Variants in CACNB2 observed in about 807,000 individuals in gnomAD.
CACNB2 encodes the protein voltage-dependent L-type calcium channel subunit beta-2.
In CACNB2, 42 loss-of-function variants were observed where a neutral mutation model predicts 73.3. That is an observed-to-expected ratio of 0.57 (90% CI 0.45 to 0.74). The LOEUF is 0.74. CACNB2 is among the 30% of genes least tolerant of loss of function. The pLI is 0.00. For missense variants in CACNB2, 940 were observed against 853.0 expected (o/e 1.10, Z -1.27); for synonymous variants, 348 against 310.3 (o/e 1.12, Z -1.28).
intron 2 of CACNB2, among the ~76,000 whole-genome samples, chr10:18,296,669 A>G (rs1407857426): frequency 1.3e-5 from 2 of 152,200 alleles, no homozygotes; most frequent in Admixed American, 1.3e-4. Context: ...TAAAAATCAA[A>G]GTTCAAACTT....
chr10:18,158,276 C>A (rs930680165), intron 2 of CACNB2, among the ~76,000 whole-genome samples: 1 of 152,112 alleles, frequency 6.6e-6, no homozygotes, highest in African/African-American at 2.4e-5. Context: ...TTAGAAATTG[C>A]TTTCCAGTTC....
intron 2 of CACNB2, among the ~76,000 whole-genome samples, chr10:18,171,176 T>G (rs2033198316): frequency 6.6e-6 from 1 of 151,992 alleles, no homozygotes; most frequent in African/African-American, 2.4e-5. Flanking sequence ...GGACATTCAG[T>G]CCTGTCTTCT....
chr10:18,417,688 A>T (rs1021542822), intron 3 of CACNB2, among the ~76,000 whole-genome samples: 3 of 152,118 alleles, frequency 2.0e-5, no homozygotes, highest in Non-Finnish European at 1.5e-5. Context: ...ACCTTCCAGG[A>T]TGTCTGTGTA....
At chr10:18,229,450 G>A (rs2036141999) in intron 2 of CACNB2, among the ~76,000 whole-genome samples, 1 of 152,144 alleles carries the variant, frequency 6.6e-6, no homozygotes, top group Non-Finnish European at 1.5e-5. Flanking sequence ...AGTTCATGGA[G>A]TTAAATAGTT....
intron 3 of CACNB2, among the ~76,000 whole-genome samples, chr10:18,410,346 A>G (rs1275977927): frequency 6.6e-6 from 1 of 152,206 alleles, no homozygotes; most frequent in Non-Finnish European, 1.5e-5. Flanking sequence ...TTTTGTTCCC[A>G]GTAGTTTTCA....
At chr10:18,319,742 G>A (rs1564432868) in intron 2 of CACNB2, among the ~76,000 whole-genome samples, 1 of 152,118 alleles carries the variant, frequency 6.6e-6, no homozygotes, top group Non-Finnish European at 1.5e-5. Context: ...CAAATTAAGG[G>A]GAAGTGTGAG....
chr10:18,337,428 C>G (rs992806634), intron 2 of CACNB2, among the ~76,000 whole-genome samples: 26 of 152,270 alleles, frequency 1.7e-4, no homozygotes, highest in African/African-American at 6.0e-4. Context: ...TTACTCTTAC[C>G]CATTGTAGCA....
chr10:18,191,271 A>T (rs2034381433), intron 2 of CACNB2, among the ~76,000 whole-genome samples: 1 of 152,220 alleles, frequency 6.6e-6, no homozygotes, highest in Non-Finnish European at 1.5e-5. Flanking sequence ...AAATACTGAG[A>T]TTCAGAGAAG....
At chr10:18,153,563 C>CTTACTTATTTATTTAT (rs138892750) in intron 2 of CACNB2, among the ~76,000 whole-genome samples, 19 of 142,744 alleles carry the variant, frequency 1.3e-4, no homozygotes, top group African/African-American at 4.8e-4. Flanking sequence ...CTAGATTTTA[C>CTTACTTATTTATTTAT]TTATTTATTT....
At chr10:18,356,996 G>C (rs1459576443) in intron 2 of CACNB2, among the ~76,000 whole-genome samples, 2 of 133,356 alleles carry the variant, frequency 1.5e-5, no homozygotes, top group Non-Finnish European at 3.2e-5. Flanking sequence ...CCAGGCTGGA[G>C]TGCAGTGGCG....
At chr10:18,271,067 T>A (rs1403014102) in intron 2 of CACNB2, among the ~76,000 whole-genome samples, 2 of 152,208 alleles carry the variant, frequency 1.3e-5, no homozygotes, top group African/African-American at 4.8e-5. Context: ...TATGTGAAAT[T>A]TACTGTATAC....
chr10:18,300,436 G>A (rs930127577), intron 2 of CACNB2, among the ~76,000 whole-genome samples: 2 of 152,170 alleles, frequency 1.3e-5, no homozygotes, highest in African/African-American at 4.8e-5. Context: ...TAAAAAGTAA[G>A]TCTTATCAGC....
At chr10:18,358,920 T>C (rs886994250) in intron 2 of CACNB2, among the ~76,000 whole-genome samples, 1 of 152,168 alleles carries the variant, frequency 6.6e-6, no homozygotes, top group Non-Finnish European at 1.5e-5. Flanking sequence ...TTCATAAATA[T>C]GGCCATATTA....
chr10:18,255,044 T>A (rs1457310598), intron 2 of CACNB2, among the ~76,000 whole-genome samples: 3 of 151,958 alleles, frequency 2.0e-5, no homozygotes, highest in Non-Finnish European at 4.4e-5. Flanking sequence ...TCCTAGCTGA[T>A]CTCCCTGGCT....
At chr10:18,532,691 A>C (rs1201618789) in intron 10 of CACNB2, among the ~76,000 whole-genome samples, 9 of 58,648 alleles carry the variant, frequency 1.5e-4, no homozygotes, top group Non-Finnish European at 2.5e-4. Context: ...AAAAAAAAAA[A>C]AAAAACAAAA....
Position 18,148,369 on chromosome 10 carries a change from T to A in CACNB2, c.121-2514T>A, listed in dbSNP as rs903920888. Reference sequence around the variant, plus strand: ...TTGTTTGGTGTATAAACTATCTTAGTACAGTTGAAAACTGTAATAATTTCA... The same window carrying A: ...TTGTTTGGTGTATAAACTATCTTAGAACAGTTGAAAACTGTAATAATTTCA... On this transcript the variant is annotated intron_variant, in intron 1 of 13. Coordinates refer to ENST00000324631, the MANE Select transcript of CACNB2 (RefSeq NM_201596.3). Among the ~76,000 whole-genome samples the A allele has an allele frequency of 4.6e-5, 7 of 152,332 alleles. No homozygotes were observed. In the East Asian group the frequency reaches 1.2e-3, roughly 25 times the overall value.
At chr10:18,194,640 G>T (rs1344175390) in intron 2 of CACNB2, among the ~76,000 whole-genome samples, 2 of 152,170 alleles carry the variant, frequency 1.3e-5, no homozygotes, top group Non-Finnish European at 2.9e-5. Flanking sequence ...CAATAGATGG[G>T]TGTGGGGGAG....
chr10:18,151,039 G>A (rs2131032952), intron 2 of CACNB2, 64 bp downstream of exon 2: 1 of 1,021,794 alleles, frequency 9.8e-7, no homozygotes, highest in South Asian at 1.3e-5. Flanking sequence ...TTTAAAGGTG[G>A]GTTTCACTCT....
At chr10:18,419,925 ACTT>A (rs1245813581) in intron 3 of CACNB2, among the ~76,000 whole-genome samples, 2 of 152,234 alleles carry the variant, frequency 1.3e-5, no homozygotes, top group African/African-American at 4.8e-5. Context: ...CTAAAGCAAA[ACTT>A]CTTATTAAAC....
Sources: gnomAD v4.1 joint callset for allele counts (sites outside exome capture counted in the v4.1 genomes callset) on GRCh38, gnomAD v4.1.1 for gene constraint, MANE v1.5 for transcripts, NCBI Gene and HGNC (gene_info 2026-07-23, HGNC 2026-07-21) for gene names.